The following RNF217 variants were observed in gnomAD, a reference collection of about 807,000 sequenced individuals.
RNF217 encodes ring finger protein 217, also known as E3 ubiquitin-protein ligase RNF217.
In RNF217, 31 loss-of-function variants were observed where a neutral mutation model predicts 57.8. That is an observed-to-expected ratio of 0.54 (90% CI 0.40 to 0.72). The LOEUF is 0.72. Ranked by LOEUF, RNF217 falls within the 30% of genes least tolerant of loss-of-function variation. RNF217 has a pLI of 0.00. For synonymous variants in RNF217, 313 were observed against 294.0 expected (o/e 1.06, Z -0.66); for missense variants, 696 against 708.3 (o/e 0.98, Z 0.20).
At chr6:125,044,873 A>G (rs1180381027) in intron 1 of RNF217, among the ~76,000 whole-genome samples, 1 of 152,112 alleles carries the variant, frequency 6.6e-6, no homozygotes, top group African/African-American at 2.4e-5. Context: ...CAGTTGGTGC[A>G]TCATCTGAAT....
chr6:125,081,036 A>C (rs1788554579), intron 4 of RNF217, among the ~76,000 whole-genome samples: 1 of 152,032 alleles, frequency 6.6e-6, no homozygotes, highest in Admixed American at 6.6e-5. Context: ...CCATGTTATG[A>C]GGTAACAAGA....
At chr6:124,976,591 A>G (rs192058606) in intron 1 of RNF217, among the ~76,000 whole-genome samples, 58 of 142,336 alleles carry the variant, frequency 4.1e-4, no homozygotes, top group Non-Finnish European at 6.8e-4. Flanking sequence ...TTTTAGATAG[A>G]TTCTTCATAG....
chr6:125,015,114 C>A (rs1038613229), intron 1 of RNF217, among the ~76,000 whole-genome samples: 4 of 152,116 alleles, frequency 2.6e-5, no homozygotes, highest in Non-Finnish European at 5.9e-5. Flanking sequence ...TTCATTGATA[C>A]CAATGTGTAT....
At chr6:124,984,651 T>A (rs898920919) in intron 1 of RNF217, among the ~76,000 whole-genome samples, 8 of 152,260 alleles carry the variant, frequency 5.3e-5, no homozygotes, top group South Asian at 2.1e-4. Flanking sequence ...AGGTTTTTTT[T>A]AATCTCATCA....
At chr6:125,080,866 G>A (rs1238175468) in intron 4 of RNF217, among the ~76,000 whole-genome samples, 1 of 151,976 alleles carries the variant, frequency 6.6e-6, no homozygotes, top group African/African-American at 2.4e-5. Flanking sequence ...AACGTACTAG[G>A]TATTTATTCA....
chr6:124,979,367 G>A (rs572677338), intron 1 of RNF217, among the ~76,000 whole-genome samples: 24 of 152,340 alleles, frequency 1.6e-4, no homozygotes, highest in African/African-American at 5.3e-4. Context: ...AGCTCTCTAA[G>A]TGAGCAAGCA....
intron 1 of RNF217, among the ~76,000 whole-genome samples, chr6:125,013,351 A>ATG (rs61504994): frequency 0.042 from 5,998 of 141,220 alleles, 127 homozygotes; most frequent in Middle Eastern, 0.048. Context: ...TGTTTTGTGT[A>ATG]TGTGTGTGTG....
At chr6:125,035,333 T>C (rs1582735570) in intron 1 of RNF217, among the ~76,000 whole-genome samples, 1 of 152,056 alleles carries the variant, frequency 6.6e-6, no homozygotes, top group African/African-American at 2.4e-5. Flanking sequence ...TGGCTGTGGG[T>C]TTGTCATAGA....
In RNF217 at chr6:124,963,106, C is replaced by A; in HGVS notation, c.562C>A (p.Pro188Thr). ...ASEQLSPPAS[P>T]PGAPPVLNPP... ...GGAGCAGCTCTCGCCGCCCGCGTCG[C>A]CACCTGGGGCTCCGCCAGTGTTGAA... The change falls in exon 1 of 6, where the codon CCA (proline) becomes ACA (threonine). Residue 188 changes from proline (P) to threonine (T), a missense_variant. Pro to Thr is a conservative substitution (Grantham distance 38). Coordinates refer to ENST00000521654, the MANE Select transcript of RNF217 (RefSeq NM_001286398.3). 1 of 1,538,858 alleles carries A rather than the reference C, an allele frequency of 6.5e-7. No homozygotes were observed. The highest frequency in any genetic ancestry group is 8.7e-7 in the Non-Finnish European group (1 of 1,148,964).
chr6:125,081,535 T>G (rs762484933), intron 5 of RNF217, 28 bp downstream of exon 5: 1 of 1,543,064 alleles, frequency 6.5e-7, no homozygotes, highest in Non-Finnish European at 8.9e-7. Flanking sequence ...CATCTGAGAT[T>G]AGAATTATCT....
At chr6:125,070,728 T>C (rs1013024356) in intron 3 of RNF217, among the ~76,000 whole-genome samples, 1 of 152,216 alleles carries the variant, frequency 6.6e-6, no homozygotes, top group Non-Finnish European at 1.5e-5. Context: ...AAAGCTTTCC[T>C]TGTAACTTTT....
chr6:124,963,058 G>T lies in RNF217; in HGVS notation c.514G>T (p.Asp172Tyr). ...VFCSVYCVES[D>Y]LPEAPASEQL... The stretch of plus-strand genomic sequence containing the variant: ...CTGCTCCGTGTACTGCGTGGAGAGC[G>T]ACCTGCCCGAGGCCCCCGCCTCGGA... Residue 172 changes from aspartate (D) to tyrosine (Y), a missense_variant, in exon 1 of 6, where the codon GAC becomes TAC. Asp to Tyr is a radical substitution (Grantham distance 160). Coordinates refer to ENST00000521654, the MANE Select transcript of RNF217 (RefSeq NM_001286398.3). The T allele has an allele frequency of 1.3e-6, 2 of 1,569,770 alleles. No individual in the cohort carries two copies. Among genetic ancestry groups the T allele is most frequent in the South Asian group, 2.3e-5 (2 of 87,770 alleles).
At chr6:125,052,310 G>T (rs1442164816) in intron 2 of RNF217, among the ~76,000 whole-genome samples, 5 of 142,768 alleles carry the variant, frequency 3.5e-5, no homozygotes, top group African/African-American at 1.5e-4. Context: ...GTGTGTGTGT[G>T]TGTGTGTGTG....
chr6:124,968,239 AAT>A (rs1197866404), intron 1 of RNF217, among the ~76,000 whole-genome samples: 2 of 152,192 alleles, frequency 1.3e-5, no homozygotes, highest in Non-Finnish European at 2.9e-5. Flanking sequence ...TGTGAAGAAT[AAT>A]ATGAGACTGA....
intron 1 of RNF217, among the ~76,000 whole-genome samples, chr6:125,007,344 C>G (rs914193117): frequency 2.0e-5 from 3 of 151,006 alleles, no homozygotes; most frequent in African/African-American, 7.3e-5. Context: ...CTCCTGGGTT[C>G]AAGCGACTCT....
chr6:125,063,721 T>G (rs1382410916), intron 3 of RNF217, among the ~76,000 whole-genome samples: 1 of 152,116 alleles, frequency 6.6e-6, no homozygotes, highest in Non-Finnish European at 1.5e-5. Flanking sequence ...ATTTGTTGTC[T>G]CAATTCTCAA....
chr6:125,045,556 T>C, intron 2 of RNF217, 112 bp downstream of exon 2: 1 of 709,574 alleles, frequency 1.4e-6, no homozygotes, highest in Non-Finnish European at 2.4e-6. Flanking sequence ...GAGCTGAAGG[T>C]GAGCATATAT....
At chr6:124,966,015 C>G (rs1321630203) in intron 1 of RNF217, among the ~76,000 whole-genome samples, 2 of 152,146 alleles carry the variant, frequency 1.3e-5, no homozygotes, top group Non-Finnish European at 2.9e-5. Context: ...GAAACCAAGG[C>G]TAGGAAGTGG....
intron 3 of RNF217, among the ~76,000 whole-genome samples, chr6:125,076,034 A>T (rs146433532): frequency 9.3e-4 from 141 of 152,278 alleles, no homozygotes; most frequent in African/African-American, 3.3e-3. Context: ...CTGTGTTTAC[A>T]TGTAACTTGA....
Sources: gnomAD v4.1 joint callset for allele counts (sites outside exome capture counted in the v4.1 genomes callset) on GRCh38, gnomAD v4.1.1 for gene constraint, MANE v1.5 for transcripts, NCBI Gene and HGNC (gene_info 2026-07-23, HGNC 2026-07-21) for gene names.